Variants in GALNT14 observed in about 807,000 individuals in gnomAD.
The protein encoded by GALNT14 is polypeptide N-acetylgalactosaminyltransferase 14.
A neutral mutation model predicts 77.5 loss-of-function variants in GALNT14; 60 were observed. The ratio of observed to expected loss-of-function variants is 0.77; its 90% CI spans 0.63 to 0.96. The LOEUF is 0.96. Among genes scored for constraint, GALNT14 ranks in the 40% least tolerant of loss-of-function variants. GALNT14 has a pLI of 0.00. For missense variants in GALNT14, 710 were observed against 731.0 expected (o/e 0.97, Z 0.33); for synonymous variants, 280 against 281.7 (o/e 0.99, Z 0.06).
At chr2:31,061,423 C>T (rs1165726849) in intron 1 of GALNT14, among the ~76,000 whole-genome samples, 1 of 152,206 alleles carries the variant, frequency 6.6e-6, no homozygotes, top group Non-Finnish European at 1.5e-5. Flanking sequence ...CCACCACAGT[C>T]TGGCTTCCCA....
At chr2:31,024,032 G>C (rs1671895030) in intron 1 of GALNT14, among the ~76,000 whole-genome samples, 2 of 152,090 alleles carry the variant, frequency 1.3e-5, no homozygotes, top group South Asian at 4.1e-4. Context: ...CTCTGGACCT[G>C]CTCCTACTGA....
intron 1 of GALNT14, among the ~76,000 whole-genome samples, chr2:31,134,835 G>T (rs1415562815): frequency 1.3e-5 from 2 of 152,192 alleles, no homozygotes; most frequent in African/African-American, 4.8e-5. Flanking sequence ...AGTTTCAGGA[G>T]GGATCCCATT....
chr2:30,976,199 T>C (rs1217255038), intron 2 of GALNT14, among the ~76,000 whole-genome samples: 1 of 152,184 alleles, frequency 6.6e-6, no homozygotes, highest in Non-Finnish European at 1.5e-5. Context: ...CTGCTCAGGA[T>C]AGCAAGTTGA....
At chr2:31,118,261 C>G (rs925423250) in intron 1 of GALNT14, among the ~76,000 whole-genome samples, 4 of 152,124 alleles carry the variant, frequency 2.6e-5, no homozygotes, top group African/African-American at 9.7e-5. Flanking sequence ...TGCTAAAAAA[C>G]TTCCCTAATT....
chr2:30,918,625 G>T (rs190096401), intron 13 of GALNT14, among the ~76,000 whole-genome samples: 1 of 151,186 alleles, frequency 6.6e-6, no homozygotes, highest in African/African-American at 2.4e-5. Flanking sequence ...GGGTGGCATC[G>T]GGCAGGGAGG....
At chr2:31,090,288 C>A (rs927459468) in intron 1 of GALNT14, among the ~76,000 whole-genome samples, 2 of 152,174 alleles carry the variant, frequency 1.3e-5, no homozygotes, top group African/African-American at 2.4e-5. Context: ...ACACTAGGTA[C>A]TTCCCCCACT....
chr2:31,010,496 T>C (rs1036811592), intron 1 of GALNT14, among the ~76,000 whole-genome samples: 1 of 152,184 alleles, frequency 6.6e-6, no homozygotes, highest in Non-Finnish European at 1.5e-5. Flanking sequence ...GCACCTGTAG[T>C]CCCAGCTACT....
intron 1 of GALNT14, among the ~76,000 whole-genome samples, chr2:31,092,625 C>T (rs965436339): frequency 3.9e-5 from 6 of 152,166 alleles, no homozygotes; most frequent in African/African-American, 1.4e-4. Flanking sequence ...AAGGCTCCCT[C>T]TCCATGGCTT....
At chr2:30,932,590 G>A (rs1276079367) in intron 9 of GALNT14, among the ~76,000 whole-genome samples, 1 of 152,248 alleles carries the variant, frequency 6.6e-6, no homozygotes, top group African/African-American at 2.4e-5. Context: ...TGTGATCCCA[G>A]AGGGTTAGAG....
rs974758205 is a variant in GALNT14, at chr2:30,911,809, T to C, written c.1500+414A>G. 6.6e-5 allele frequency among the ~76,000 whole-genome samples: 10 copies of C among 152,202 alleles called. 1 individual carries two copies. On this transcript the variant is annotated intron_variant, in intron 14 of 14. Coordinates refer to ENST00000349752, the MANE Select transcript of GALNT14 (RefSeq NM_024572.4). ...GACATCACTTTGCTGCTAGAGGAAC[T>C]GGGCATGTGGTGCATCCAGAATGCT... is the stretch of plus-strand genomic sequence containing the variant.
At chr2:30,905,658 C>G (rs1481198442), downstream of GALNT14, among the ~76,000 whole-genome samples, 1 of 151,490 alleles carries the variant, frequency 6.6e-6, no homozygotes. Flanking sequence ...TCCAGGAGAA[C>G]TTCCCCAATC....
At chr2:31,042,015 C>G (rs997571045) in intron 1 of GALNT14, among the ~76,000 whole-genome samples, 4 of 152,066 alleles carry the variant, frequency 2.6e-5, no homozygotes, top group Non-Finnish European at 4.4e-5. Flanking sequence ...ATGTCCTGAA[C>G]CTAAGGTCCC....
chr2:30,954,080 AG>A (rs149456931), intron 6 of GALNT14, among the ~76,000 whole-genome samples: 1 of 152,256 alleles, frequency 6.6e-6, no homozygotes, highest in East Asian at 1.9e-4. Flanking sequence ...CAGTCAGGAA[AG>A]GCTGCCTAGA....
chr2:31,051,152 C>T lies in GALNT14; in HGVS notation c.130-58145G>A, dbSNP rs113689964. ...CATGTGGTTACACCCTTCCTTGGCC[C>T]TCTCCTCATGCAGGCAACAGTCAGG... On this transcript the variant is annotated intron_variant, in intron 1 of 14. Coordinates refer to ENST00000349752, the MANE Select transcript of GALNT14 (RefSeq NM_024572.4). Among the ~76,000 whole-genome samples, 867 of 152,278 alleles carry T rather than the reference C, an allele frequency of 5.7e-3. 19 individuals are homozygous for T. Among genetic ancestry groups the T allele is most frequent in the African/African-American group, 0.02 (822 of 41,542 alleles).
chr2:30,906,337 A>G (rs10173001), downstream of GALNT14, among the ~76,000 whole-genome samples: 44,906 of 141,498 alleles, frequency 0.32, 7,475 homozygotes, highest in African/African-American at 0.41. Context: ...GACACACATA[A>G]GCTCAAAATA....
At chr2:31,048,857 A>G (rs1344795356) in intron 1 of GALNT14, among the ~76,000 whole-genome samples, 1 of 152,076 alleles carries the variant, frequency 6.6e-6, no homozygotes, top group Non-Finnish European at 1.5e-5. Flanking sequence ...CAGGAACTGA[A>G]CTTGACTTCC....
At chr2:31,001,248 A>G (rs1189521390) in intron 1 of GALNT14, among the ~76,000 whole-genome samples, 2 of 152,090 alleles carry the variant, frequency 1.3e-5, no homozygotes, top group African/African-American at 4.8e-5. Flanking sequence ...TTCATGCTAA[A>G]CCATAACTAG....
In GALNT14 at chr2:31,018,374, C is replaced by T. The variant is rs189031796; in HGVS notation, c.130-25367G>A. Among the ~76,000 whole-genome samples, 99 of 152,328 alleles carry T rather than the reference C, an allele frequency of 6.5e-4. No individual in the cohort carries two copies. The Middle Eastern group carries it at 0.02, about 31-fold the overall frequency. On this transcript the variant is annotated intron_variant, in intron 1 of 14. Coordinates refer to ENST00000349752, the MANE Select transcript of GALNT14 (RefSeq NM_024572.4). The stretch of plus-strand genomic sequence containing the variant: ...TTTAACTGACTCACGTTCCACAGGG[C>T]TAGGGAGGTCTCAAGAAACTTAACA...
chr2:30,931,769 T>C (rs1463318663), intron 10 of GALNT14, among the ~76,000 whole-genome samples: 15 of 151,840 alleles, frequency 9.9e-5, no homozygotes, highest in African/African-American at 2.9e-4. Context: ...ACCCCAAATA[T>C]CTGGAGCCCA....
Sources: gnomAD v4.1 joint callset for allele counts (sites outside exome capture counted in the v4.1 genomes callset) on GRCh38, gnomAD v4.1.1 for gene constraint, MANE v1.5 for transcripts, NCBI Gene and HGNC (gene_info 2026-07-23, HGNC 2026-07-21) for gene names.